Variants in HDHD2 observed in about 807,000 individuals in gnomAD.
The protein encoded by HDHD2 is haloacid dehalogenase-like hydrolase domain-containing protein 2.
HDHD2 carries 26 observed loss-of-function variants against 24.8 expected under a neutral mutation model. That is an observed-to-expected ratio of 1.05 (90% confidence interval 0.77 to 1.45). The LOEUF is 1.45. Among genes scored for constraint, HDHD2 ranks in the 40% most tolerant of loss-of-function variants. The pLI, the probability that HDHD2 is intolerant of heterozygous loss-of-function variation, is 0.00. For synonymous variants in HDHD2, 128 were observed against 114.9 expected (o/e 1.11, Z -0.73); for missense variants, 299 against 313.4 (o/e 0.95, Z 0.35).
In HDHD2 at chr18:47,108,113, G is replaced by C. The variant is rs1422597762; in HGVS notation, c.*569C>G. ...GAGAAAAAGAAGTCACCCGTGCTGG[G>C]AATACAGTAGAAAATTTAGTTTTCA... On this transcript the variant is annotated 3_prime_UTR_variant, in exon 7 of 7. Coordinates refer to ENST00000300605, the MANE Select transcript of HDHD2 (RefSeq NM_032124.5). 6.6e-6 allele frequency: 1 copy of C among 152,600 alleles called. No individual in the cohort carries two copies. The highest frequency in any genetic ancestry group is 2.4e-5 in the African/African-American group (1 of 41,444). 9.5% of individuals were successfully genotyped at this position (152,600 alleles called of 1,614,324 possible).
intron 1 of HDHD2, chr18:47,137,231 A>G (rs2063774948): frequency 1.6e-6 from 1 of 609,622 alleles, no homozygotes; most frequent in Non-Finnish European, 3.1e-6. Flanking sequence ...TGAAACAGAC[A>G]TACCTGCACA....
chr18:47,131,349 C>T (rs1291137298), intron 3 of HDHD2, among the ~76,000 whole-genome samples: 1 of 152,184 alleles, frequency 6.6e-6, no homozygotes, highest in Non-Finnish European at 1.5e-5. Context: ...ATTTGCCTCT[C>T]TTATTGGCTG....
At chr18:47,145,647 A>G (rs775596437) in intron 1 of HDHD2, among the ~76,000 whole-genome samples, 7 of 152,238 alleles carry the variant, frequency 4.6e-5, no homozygotes, top group Non-Finnish European at 8.8e-5. Context: ...AAACAACCAC[A>G]TGTTTAAGGC....
At chr18:47,115,580 C>T (rs1323786045) in intron 4 of HDHD2, among the ~76,000 whole-genome samples, 4 of 152,168 alleles carry the variant, frequency 2.6e-5, no homozygotes, top group Non-Finnish European at 5.9e-5. Flanking sequence ...TTGCTTCAAC[C>T]TTTTACCTTT....
At chr18:47,111,226 C>G (rs1442637865) in intron 6 of HDHD2, 1 of 985,082 alleles carries the variant, frequency 1.0e-6, no homozygotes, top group Non-Finnish European at 1.2e-6. Flanking sequence ...TAAACTGATG[C>G]CTGTGAAAGG....
chr18:47,136,280 GC>G, intron 2 of HDHD2, 58 bp downstream of exon 2: 1 of 1,601,842 alleles, frequency 6.2e-7, no homozygotes, highest in Non-Finnish European at 8.5e-7. Context: ...CTAATGATCT[GC>G]CGTGGTAAAA....
intron 4 of HDHD2, among the ~76,000 whole-genome samples, chr18:47,127,869 T>C (rs576850452): frequency 6.6e-6 from 1 of 152,342 alleles, no homozygotes; most frequent in South Asian, 2.1e-4. Flanking sequence ...GTATCTGCCT[T>C]GATGTAACAT....
At position 47,107,876 on chromosome 18, in the gene HDHD2, A is replaced by C. The variant is rs1223637801; in HGVS notation, c.*806T>G. 3 of 152,654 alleles carry C rather than the reference A, an allele frequency of 2.0e-5. No individual in the cohort carries two copies. Among genetic ancestry groups the C allele is most frequent in the African/African-American group, 7.2e-5 (3 of 41,458 alleles). 9.5% of individuals were successfully genotyped at this position (152,654 alleles called of 1,614,324 possible). A position where few individuals can be genotyped will look rare whatever the true frequency, so the allele number is the denominator to read the frequency against. On this transcript the variant is annotated 3_prime_UTR_variant, in exon 7 of 7. Coordinates refer to ENST00000300605, the MANE Select transcript of HDHD2 (RefSeq NM_032124.5). ...AATGCATGGTCTATAAGATATTATA[A>C]GGCTTGATTCTAGTTTCTGCACTGT...
rs138572541 is a variant in HDHD2, at chr18:47,137,246, G to T, written c.-10-797C>A. On this transcript the variant is annotated intron_variant, in intron 1 of 6. Coordinates refer to ENST00000300605, the MANE Select transcript of HDHD2 (RefSeq NM_032124.5). ...TGAAACAGACATACCTGCACATTTGGAAATGGAGGCTGAAGATACAATGGA... is the reference window on the plus strand; with the variant it reads ...TGAAACAGACATACCTGCACATTTGTAAATGGAGGCTGAAGATACAATGGA... 25 of 579,400 alleles carry T rather than the reference G, an allele frequency of 4.3e-5. No homozygotes were observed. In the East Asian group the frequency reaches 9.0e-4, roughly 21 times the overall value. 35.9% of individuals were successfully genotyped at this position (579,400 alleles called of 1,614,324 possible).
chr18:47,118,848 T>C (rs2063579012), intron 4 of HDHD2, among the ~76,000 whole-genome samples: 1 of 152,162 alleles, frequency 6.6e-6, no homozygotes, highest in Admixed American at 6.6e-5. Flanking sequence ...CAAGGAGAGC[T>C]AGAACCAGTG....
At chr18:47,134,969 C>T (rs1032256127) in intron 2 of HDHD2, among the ~76,000 whole-genome samples, 12 of 152,164 alleles carry the variant, frequency 7.9e-5, no homozygotes, top group Non-Finnish European at 1.5e-4. Flanking sequence ...AACAAGAGCA[C>T]ACTGATTAAC....
intron 1 of HDHD2, among the ~76,000 whole-genome samples, chr18:47,146,229 CA>C (rs61430354): frequency 0.013 from 748 of 58,946 alleles, 2 homozygotes; most frequent in African/African-American, 0.034. Context: ...GAATGTGTCT[CA>C]AAAAAAAAAA....
intron 1 of HDHD2, among the ~76,000 whole-genome samples, chr18:47,144,756 C>T (rs74188907): frequency 0.034 from 4,944 of 144,918 alleles, 210 homozygotes; most frequent in East Asian, 0.24. Flanking sequence ...GCTATGATAG[C>T]ACCACTGCAT....
intron 2 of HDHD2, among the ~76,000 whole-genome samples, chr18:47,135,440 T>C (rs889431110): frequency 6.6e-5 from 10 of 152,056 alleles, no homozygotes; most frequent in Admixed American, 5.2e-4. Flanking sequence ...TTTGTATTTT[T>C]AGTAGAGACG....
chr18:47,122,262 A>T (rs1487521572), intron 4 of HDHD2, among the ~76,000 whole-genome samples: 7 of 152,252 alleles, frequency 4.6e-5, no homozygotes, highest in Non-Finnish European at 7.3e-5. Context: ...TACTAAAAAT[A>T]AATAATGGCG....
chr18:47,149,906 A>G (rs1217092214), intron 1 of HDHD2, among the ~76,000 whole-genome samples: 2 of 152,174 alleles, frequency 1.3e-5, no homozygotes, highest in Non-Finnish European at 2.9e-5. Context: ...TAACTCATGA[A>G]TCCCGGTGTC....
At chr18:47,150,111 A>ATGAC (rs1286497608) in intron 1 of HDHD2, 4 of 152,278 alleles carry the variant, frequency 2.6e-5, no homozygotes, top group African/African-American at 9.6e-5. Context: ...GCTTCGAGGA[A>ATGAC]TGACTGACAC....
rs1229941498 is a variant in HDHD2, at chr18:47,140,108, A to T, written c.-10-3659T>A. ...TTTTACCATTTTAGAATGTTACAAA[A>T]ATGAAATCACAATGTACACATTCTT... On this transcript the variant is annotated intron_variant, in intron 1 of 6. Transcript: ENST00000300605. Among the ~76,000 whole-genome samples, 4 of 152,238 alleles carry T rather than the reference A, an allele frequency of 2.6e-5. No individual in the cohort carries two copies. In the East Asian group the frequency reaches 7.7e-4, roughly 29 times the overall value.
chr18:47,133,119 A>G (rs1376772691), intron 3 of HDHD2, among the ~76,000 whole-genome samples: 3 of 151,900 alleles, frequency 2.0e-5, no homozygotes, highest in Non-Finnish European at 4.4e-5. Context: ...TACATTAGGT[A>G]TATCTCCTAA....
Sources: allele counts gnomAD v4.1 joint callset (sites outside exome capture counted in the v4.1 genomes callset), GRCh38; gene constraint gnomAD v4.1.1; transcripts MANE v1.5; gene names NCBI Gene and HGNC (gene_info 2026-07-23, HGNC 2026-07-21).